Variants in CDH13 observed in about 807,000 individuals in gnomAD.
The protein encoded by CDH13 is cadherin-13.
A neutral mutation model predicts 63.8 loss-of-function variants in CDH13; 24 were observed. The observed-to-expected ratio is 0.38, with a 90% CI of 0.27 to 0.53. The LOEUF is 0.53. CDH13 is among the 20% of genes least tolerant of loss of function. The pLI, the probability that CDH13 is intolerant of heterozygous loss-of-function variation, is 0.85. For missense variants in CDH13, 1,049 were observed against 903.1 expected, an observed-to-expected ratio of 1.16 and a Z score of -2.07; for synonymous variants, 503 against 355.3, an observed-to-expected ratio of 1.42 and a Z score of -4.67.
At chr16:83,711,200 A>G (rs939791182) in intron 10 of CDH13, among the ~76,000 whole-genome samples, 19 of 152,198 alleles carry the variant, frequency 1.2e-4, no homozygotes, top group Non-Finnish European at 2.9e-5. Context: ...TCCCATTAGA[A>G]AGTCAATAGT....
intron 3 of CDH13, 103 bp downstream of exon 3, chr16:83,032,321 C>G: frequency 1.2e-6 from 1 of 855,802 alleles, no homozygotes; most frequent in Non-Finnish European, 1.8e-6. Flanking sequence ...GCTAAGATTC[C>G]TTTTGTTATT....
At chr16:83,068,629 C>T (rs979418340) in intron 3 of CDH13, among the ~76,000 whole-genome samples, 1 of 152,158 alleles carries the variant, frequency 6.6e-6, no homozygotes, top group Non-Finnish European at 1.5e-5. Flanking sequence ...CATCACCAAA[C>T]ATACTGGCCT....
At chr16:83,505,795 G>T (rs2074382440) in intron 7 of CDH13, among the ~76,000 whole-genome samples, 1 of 152,026 alleles carries the variant, frequency 6.6e-6, no homozygotes, top group Non-Finnish European at 1.5e-5. Context: ...CACCTGCCTT[G>T]GCCTCCCAAA....
chr16:83,063,474 C>G (rs548055542), intron 3 of CDH13, among the ~76,000 whole-genome samples: 3 of 152,068 alleles, frequency 2.0e-5, no homozygotes, highest in Non-Finnish European at 4.4e-5. Flanking sequence ...CAAACCACCC[C>G]GCAGAGAGAA....
intron 2 of CDH13, among the ~76,000 whole-genome samples, chr16:83,015,724 A>ATAC (rs1555562946): frequency 2.0e-5 from 1 of 49,096 alleles, no homozygotes; most frequent in Non-Finnish European, 4.5e-5. Context: ...TATATATATA[A>ATAC]AGAAAAAGCA....
At chr16:82,675,206 A>G (rs996545962) in intron 1 of CDH13, among the ~76,000 whole-genome samples, 2 of 152,228 alleles carry the variant, frequency 1.3e-5, no homozygotes, top group East Asian at 1.9e-4. Context: ...AGATAATTTC[A>G]TCCTAAGATT....
chr16:83,354,891 A>C (rs749646111), intron 6 of CDH13, among the ~76,000 whole-genome samples: 2 of 152,206 alleles, frequency 1.3e-5, no homozygotes, highest in Non-Finnish European at 2.9e-5. Context: ...CCCTTCATTC[A>C]TGTATTGACT....
intron 1 of CDH13, among the ~76,000 whole-genome samples, chr16:82,854,050 G>A (rs2039594065): frequency 1.3e-5 from 2 of 152,192 alleles, no homozygotes; most frequent in Admixed American, 6.5e-5. Context: ...TGAAATTGAA[G>A]AGCGGATATC....
At chr16:83,699,653 A>T (rs1905915359) in intron 10 of CDH13, among the ~76,000 whole-genome samples, 1 of 151,720 alleles carries the variant, frequency 6.6e-6, no homozygotes. Flanking sequence ...GTGCACACGC[A>T]CATACACACA....
intron 1 of CDH13, among the ~76,000 whole-genome samples, chr16:82,764,005 G>A (rs909306094): frequency 2.0e-5 from 3 of 152,178 alleles, no homozygotes; most frequent in African/African-American, 7.2e-5. Flanking sequence ...GGGGTAGAGT[G>A]ACAAGGACTG....
chr16:82,874,493 A>T (rs1041042746), intron 2 of CDH13, among the ~76,000 whole-genome samples: 1 of 150,580 alleles, frequency 6.6e-6, no homozygotes, highest in African/African-American at 2.4e-5. Context: ...TTTCTTTTCC[A>T]TTTGAAGCCA....
At chr16:82,724,375 G>A (rs1473999681) in intron 1 of CDH13, among the ~76,000 whole-genome samples, 1 of 152,146 alleles carries the variant, frequency 6.6e-6, no homozygotes, top group Non-Finnish European at 1.5e-5. Flanking sequence ...CAGGTGCCAT[G>A]CTATTGATAT....
chr16:83,386,205 C>A (rs1455495146), intron 6 of CDH13, among the ~76,000 whole-genome samples: 1 of 152,204 alleles, frequency 6.6e-6, no homozygotes, highest in Non-Finnish European at 1.5e-5. Flanking sequence ...TTCACTATGA[C>A]AAGAATTAAC....
chr16:83,135,639 A>G (rs2036247891), intron 4 of CDH13, among the ~76,000 whole-genome samples: 1 of 152,242 alleles, frequency 6.6e-6, no homozygotes, highest in Non-Finnish European at 1.5e-5. Context: ...AACTAAAACT[A>G]GAACTACCAT....
chr16:82,654,568 C>T (rs563952518), intron 1 of CDH13, among the ~76,000 whole-genome samples: 3 of 152,072 alleles, frequency 2.0e-5, no homozygotes, highest in African/African-American at 7.2e-5. Context: ...CTCAAATAAT[C>T]CTGATTGACT....
At chr16:83,073,817 T>C (rs1400139461) in intron 3 of CDH13, among the ~76,000 whole-genome samples, 1 of 152,076 alleles carries the variant, frequency 6.6e-6, no homozygotes, top group Non-Finnish European at 1.5e-5. Context: ...CAGTACAGCA[T>C]AGCAATTGTC....
chr16:83,757,323 A>T (rs1913591849), intron 11 of CDH13, among the ~76,000 whole-genome samples: 1 of 152,226 alleles, frequency 6.6e-6, no homozygotes, highest in Admixed American at 6.5e-5. Flanking sequence ...CACTCCTGTA[A>T]TCCCAGAATT....
intron 2 of CDH13, among the ~76,000 whole-genome samples, chr16:82,987,444 C>G (rs978894470): frequency 6.6e-6 from 1 of 152,072 alleles, no homozygotes; most frequent in Non-Finnish European, 1.5e-5. Context: ...TGTCACGATC[C>G]TGGCTCATTG....
At chr16:83,497,723 C>T (rs977274154) in intron 7 of CDH13, among the ~76,000 whole-genome samples, 3 of 152,062 alleles carry the variant, frequency 2.0e-5, no homozygotes, top group African/African-American at 4.8e-5. Flanking sequence ...AAAACATAGA[C>T]AGCAGGCTGG....
Sources: allele counts gnomAD v4.1 joint callset (sites outside exome capture counted in the v4.1 genomes callset), GRCh38; gene constraint gnomAD v4.1.1; transcripts MANE v1.5; gene names NCBI Gene and HGNC (gene_info 2026-07-23, HGNC 2026-07-21).